LDLRAD3: variants seen among roughly 807,000 people sequenced by gnomAD.
LDLRAD3 encodes the protein low density lipoprotein receptor class A domain containing 3.
A neutral mutation model predicts 29.4 loss-of-function variants in LDLRAD3; 20 were observed. The ratio of observed to expected loss-of-function variants is 0.68; its 90% CI spans 0.48 to 0.99. The LOEUF (loss-of-function observed/expected upper bound fraction) is 0.99, where lower values mean the gene tolerates loss of function less well. Ranked by LOEUF, LDLRAD3 falls within the 50% of genes least tolerant of loss-of-function variation. The probability of loss-of-function intolerance (pLI) is 0.00; values close to 1 mark genes in which losing one functional copy is unlikely to be tolerated. For synonymous variants in LDLRAD3, 157 were observed against 192.7 expected (o/e 0.81, Z 1.53); for missense variants, 420 against 454.3 (o/e 0.92, Z 0.69).
chr11:36,058,308 C>T (rs1407057245), intron 2 of LDLRAD3, among the ~76,000 whole-genome samples: 1 of 152,168 alleles, frequency 6.6e-6, no homozygotes. Context: ...CACCACTTCC[C>T]CCAGAAGCAA....
At chr11:36,053,000 G>T (rs1193343762) in intron 2 of LDLRAD3, among the ~76,000 whole-genome samples, 1 of 151,190 alleles carries the variant, frequency 6.6e-6, no homozygotes, top group Admixed American at 6.6e-5. Flanking sequence ...CTGCAGTGAG[G>T]AGTAGGACCC....
At chr11:36,057,784 C>T (rs931094134) in intron 2 of LDLRAD3, among the ~76,000 whole-genome samples, 2 of 152,176 alleles carry the variant, frequency 1.3e-5, no homozygotes. Context: ...TAGTGATCCT[C>T]AGATATTTTT....
At chr11:36,144,183 G>C in intron 4 of LDLRAD3, among the ~76,000 whole-genome samples, 1 of 151,936 alleles carries the variant, frequency 6.6e-6, no homozygotes, top group African/African-American at 2.4e-5. Context: ...CGCCAGCCTC[G>C]GCCTCCCGAG....
intron 3 of LDLRAD3, among the ~76,000 whole-genome samples, chr11:36,096,192 T>C (rs1853358219): frequency 6.6e-6 from 1 of 152,198 alleles, no homozygotes; most frequent in Non-Finnish European, 1.5e-5. Context: ...ACTTTTGGAA[T>C]TGAATAGTTA....
chr11:36,183,848 T>C (rs1435267539), intron 4 of LDLRAD3, among the ~76,000 whole-genome samples: 2 of 152,214 alleles, frequency 1.3e-5, no homozygotes, highest in African/African-American at 4.8e-5. Flanking sequence ...TCATTTATTC[T>C]TTTTTCATCT....
intron 5 of LDLRAD3, 149 bp downstream of exon 5, chr11:36,227,579 C>G (rs1320688814): frequency 3.5e-6 from 2 of 571,694 alleles, no homozygotes; most frequent in South Asian, 2.7e-5. Context: ...GCCGAGTCCT[C>G]GCAAAATTCT....
intron 1 of LDLRAD3, among the ~76,000 whole-genome samples, chr11:36,015,952 A>T (rs527257205): frequency 6.6e-6 from 1 of 152,330 alleles, no homozygotes; most frequent in African/African-American, 2.4e-5. Context: ...GCCTGATGCC[A>T]CCTGGAAGAC....
chr11:36,166,803 T>C (rs1290500632), intron 4 of LDLRAD3, among the ~76,000 whole-genome samples: 1 of 152,176 alleles, frequency 6.6e-6, no homozygotes, highest in East Asian at 1.9e-4. Context: ...TCTGATTCAG[T>C]AGGTCCAGGA....
intron 1 of LDLRAD3, among the ~76,000 whole-genome samples, chr11:36,026,205 T>G (rs1852165251): frequency 6.6e-6 from 1 of 152,252 alleles, no homozygotes; most frequent in Non-Finnish European, 1.5e-5. Context: ...AGTAAGTTTC[T>G]CAGATTTACC....
At chr11:36,039,161 G>T (rs1000369815) in intron 2 of LDLRAD3, among the ~76,000 whole-genome samples, 42 of 152,082 alleles carry the variant, frequency 2.8e-4, no homozygotes, top group African/African-American at 9.9e-4. Context: ...AGTAGAGACG[G>T]GGTTTCACCG....
At chr11:35,970,661 G>A (rs1046743565) in intron 1 of LDLRAD3, among the ~76,000 whole-genome samples, 1 of 152,220 alleles carries the variant, frequency 6.6e-6, no homozygotes, top group Non-Finnish European at 1.5e-5. Context: ...GCTGAGAGGT[G>A]TTAAGCATCT....
At chr11:36,179,350 T>G (rs1010557312) in intron 4 of LDLRAD3, among the ~76,000 whole-genome samples, 2 of 152,156 alleles carry the variant, frequency 1.3e-5, no homozygotes, top group Non-Finnish European at 2.9e-5. Context: ...AGCAGGTGCC[T>G]GTAATTCCAG....
intron 4 of LDLRAD3, among the ~76,000 whole-genome samples, chr11:36,211,232 T>G (rs1463828409): frequency 6.6e-6 from 1 of 151,814 alleles, no homozygotes; most frequent in African/African-American, 2.4e-5. Context: ...CCAATAAAAC[T>G]TTATCTATGA....
intron 4 of LDLRAD3, among the ~76,000 whole-genome samples, chr11:36,143,269 CTT>C (rs1854113903): frequency 1.3e-5 from 2 of 152,202 alleles, no homozygotes; most frequent in African/African-American, 2.4e-5. Context: ...GCTTCCCCTG[CTT>C]AAAAGTCACA....
intron 4 of LDLRAD3, among the ~76,000 whole-genome samples, chr11:36,107,621 A>G (rs886553060): frequency 6.6e-6 from 1 of 152,192 alleles, no homozygotes; most frequent in Non-Finnish European, 1.5e-5. Context: ...ATGTTTAAAT[A>G]CACAAATACT....
chr11:36,012,695 C>T (rs1037124189), intron 1 of LDLRAD3, among the ~76,000 whole-genome samples: 1 of 152,128 alleles, frequency 6.6e-6, no homozygotes, highest in Non-Finnish European at 1.5e-5. Context: ...TTCATCACAC[C>T]GCTCAGAATT....
At chr11:36,215,873 A>G (rs922633124) in intron 4 of LDLRAD3, among the ~76,000 whole-genome samples, 7 of 152,340 alleles carry the variant, frequency 4.6e-5, no homozygotes, top group African/African-American at 1.7e-4. Flanking sequence ...AGGCAGGAGT[A>G]GCACCGATGA....
intron 4 of LDLRAD3, among the ~76,000 whole-genome samples, chr11:36,221,272 A>G (rs1482404472): frequency 6.6e-6 from 1 of 151,750 alleles, no homozygotes; most frequent in African/African-American, 2.4e-5. Flanking sequence ...AATCACTTGA[A>G]CCCAGGAGGT....
At chr11:36,210,553 G>T (rs1341454160) in intron 4 of LDLRAD3, among the ~76,000 whole-genome samples, 1 of 152,030 alleles carries the variant, frequency 6.6e-6, no homozygotes, top group African/African-American at 2.4e-5. Flanking sequence ...ATCTATTATG[G>T]AACAACCGGG....
Sources: gnomAD v4.1 joint callset for allele counts (sites outside exome capture counted in the v4.1 genomes callset) on GRCh38, gnomAD v4.1.1 for gene constraint, MANE v1.5 for transcripts, NCBI Gene and HGNC (gene_info 2026-07-23, HGNC 2026-07-21) for gene names.